Variants in SEPTIN11 observed in about 807,000 individuals in gnomAD.
SEPTIN11 encodes septin-11.
A neutral mutation model predicts 51.4 loss-of-function variants in SEPTIN11; 25 were observed. That is an observed-to-expected ratio of 0.49 (90% CI 0.35 to 0.68). The LOEUF (loss-of-function observed/expected upper bound fraction) is 0.68, where lower values mean the gene tolerates loss of function less well. Ranked by LOEUF, SEPTIN11 falls within the 30% of genes least tolerant of loss-of-function variation. SEPTIN11 has a pLI of 0.00. For synonymous variants in SEPTIN11, 174 were observed against 184.1 expected (o/e 0.95, Z 0.44); for missense variants, 381 against 520.8 (o/e 0.73, Z 2.61).
chr4:76,958,527 A>T (rs1247031798), intron 1 of SEPTIN11, among the ~76,000 whole-genome samples: 1 of 152,152 alleles, frequency 6.6e-6, no homozygotes, highest in Non-Finnish European at 1.5e-5. Flanking sequence ...AAGTCCTTGC[A>T]TTTTGGGGAA....
rs144339800 is a variant in SEPTIN11 at position 77,014,990 on chromosome 4, G to A, written c.660G>A (p.Thr220=). The A allele has an allele frequency of 7.4e-6, 12 of 1,613,722 alleles. No homozygotes were observed. The highest frequency in any genetic ancestry group is 1.7e-4 in the Middle Eastern group (1 of 6,060). ...ATCAGTTTCCCACTGATGAAGAAAC[G>A]GTGGCAGAGATTAACGCAACAATGA... is the stretch of plus-strand genomic sequence containing the variant. The part of the protein sequence containing the change: ...QIYQFPTDEE[T]VAEINATMSV... The change falls in exon 5 of 10, where the codon ACG becomes ACA. Residue 220 remains threonine, a synonymous_variant. Transcript: ENST00000264893.
intron 7 of SEPTIN11, among the ~76,000 whole-genome samples, chr4:77,027,388 G>A (rs1312032484): frequency 6.6e-6 from 1 of 151,986 alleles, no homozygotes; most frequent in African/African-American, 2.4e-5. Context: ...CTCCTGCCTC[G>A]GCCTCCCAAA....
At chr4:77,019,466 G>T (rs1229922295) in intron 6 of SEPTIN11, among the ~76,000 whole-genome samples, 2 of 152,206 alleles carry the variant, frequency 1.3e-5, no homozygotes, top group East Asian at 1.9e-4. Context: ...AGACATGGCT[G>T]CCAAGCCCTT....
At chr4:77,014,821 G>T in intron 4 of SEPTIN11, 35 bp from the exon 5 acceptor site, 1 of 1,602,870 alleles carries the variant, frequency 6.2e-7, no homozygotes, top group Non-Finnish European at 8.5e-7. Flanking sequence ...TTCTTATGTT[G>T]GAATTGTGTA....
At position 76,990,739 on chromosome 4, in the gene SEPTIN11, C is replaced by T. The variant is rs191635210; in HGVS notation, c.28-5686C>T. 5.1e-4 allele frequency among the ~76,000 whole-genome samples: 78 copies of T among 152,308 alleles called. 1 individual carries two copies. The highest frequency in any genetic ancestry group is 1.1e-3 in the Non-Finnish European group (74 of 68,018). ...CCCTGGTGCCACAACGGTTGGGGAC[C>T]ACTGCTCTAGAATGTTCACACAAGA... is the stretch of plus-strand genomic sequence containing the variant. On this transcript the variant is annotated intron_variant, in intron 1 of 9. Coordinates refer to ENST00000264893, the MANE Select transcript of SEPTIN11 (RefSeq NM_018243.4).
chr4:76,953,691 A>T (rs1295198229), intron 1 of SEPTIN11, among the ~76,000 whole-genome samples: 2 of 152,210 alleles, frequency 1.3e-5, no homozygotes, highest in African/African-American at 4.8e-5. Context: ...GATATAAATT[A>T]TACATACTGA....
intron 7 of SEPTIN11, among the ~76,000 whole-genome samples, chr4:77,026,847 A>C (rs1161018002): frequency 1.3e-5 from 2 of 152,198 alleles, no homozygotes; most frequent in African/African-American, 2.4e-5. Context: ...CTAATATGCA[A>C]AATTTCATGA....
chr4:77,019,071 G>T (rs1024318651), intron 5 of SEPTIN11, 94 bp from the exon 6 acceptor site: 10 of 1,171,076 alleles, frequency 8.5e-6, no homozygotes, highest in Non-Finnish European at 1.1e-5. Context: ...TCACCAAGTA[G>T]AGGCCTGCAG....
chr4:76,983,808 A>G, intron 1 of SEPTIN11, among the ~76,000 whole-genome samples: 1 of 152,092 alleles, frequency 6.6e-6, no homozygotes, highest in East Asian at 1.9e-4. Flanking sequence ...AGGAGTTCAA[A>G]ACCAGCCTGG....
At chr4:76,951,879 C>T (rs1721362696) in intron 1 of SEPTIN11, among the ~76,000 whole-genome samples, 1 of 152,226 alleles carries the variant, frequency 6.6e-6, no homozygotes, top group Non-Finnish European at 1.5e-5. Flanking sequence ...TTAGACCTCC[C>T]TCTTCAGATA....
Position 77,038,181 on chromosome 4 carries a change from C to A in SEPTIN11, c.*3669C>A. 1.0e-6 allele frequency: 1 copy of A among 985,768 alleles called. No homozygotes were observed. The highest frequency in any genetic ancestry group is 1.2e-6 in the Non-Finnish European group (1 of 829,884). The allele number at this position is 985,768 out of a possible 1,614,324, so 61.1% of individuals were successfully genotyped here. ...ATTCTTTAGTGGGAATTAAGACCTA[C>A]AAAGTCTAGTTTGTATGTAGGTATG... On this transcript the variant is annotated 3_prime_UTR_variant, in exon 10 of 10. Coordinates refer to ENST00000264893, the MANE Select transcript of SEPTIN11 (RefSeq NM_018243.4).
In SEPTIN11 at chr4:76,949,941, G is replaced by A. The variant is rs1203033113; in HGVS notation, c.27+11G>A. 10 of 1,484,248 alleles carry A rather than the reference G, an allele frequency of 6.7e-6. No homozygotes were observed. The Admixed American group carries it at 7.1e-5, about 11-fold the overall frequency. The allele number at this position is 1,484,248 out of a possible 1,614,324, so 91.9% of individuals were successfully genotyped here. ...GTGGGGAGACCGTCTGTGAGTGCTGGGGCCTCGCCTGCTGCTCCTCGGGCG... is the reference window on the plus strand; with the variant it reads ...GTGGGGAGACCGTCTGTGAGTGCTGAGGCCTCGCCTGCTGCTCCTCGGGCG... On this transcript the variant is annotated intron_variant, in intron 1 of 9. Coordinates refer to ENST00000264893, the MANE Select transcript of SEPTIN11 (RefSeq NM_018243.4).
intron 1 of SEPTIN11, among the ~76,000 whole-genome samples, chr4:76,981,744 A>AT (rs5859555): frequency 9.6e-5 from 14 of 146,460 alleles, no homozygotes; most frequent in African/African-American, 3.0e-4. Context: ...CAAGATATGC[A>AT]TTTTTTTTTT....
At chr4:77,028,846 GTCCAAGT>G in intron 8 of SEPTIN11, 85 bp downstream of exon 8, 1 of 722,690 alleles carries the variant, frequency 1.4e-6, no homozygotes, top group Non-Finnish European at 1.8e-6. Context: ...CTTCATGATG[GTCCAAGT>G]ACTTTCTACA....
intron 8 of SEPTIN11, among the ~76,000 whole-genome samples, chr4:77,029,097 G>T (rs149823831): frequency 3.9e-5 from 6 of 152,238 alleles, no homozygotes; most frequent in Non-Finnish European, 7.4e-5. Flanking sequence ...TGAGATTTGG[G>T]ATTCTGCGAC....
chr4:76,949,947 C>A lies in SEPTIN11; in HGVS notation c.27+17C>A. ...AGACCGTCTGTGAGTGCTGGGGCCT[C>A]GCCTGCTGCTCCTCGGGCGCCGGGT... is the stretch of plus-strand genomic sequence containing the variant. On this transcript the variant is annotated intron_variant, in intron 1 of 9. Transcript: ENST00000264893. The A allele has an allele frequency of 6.8e-7, 1 of 1,472,590 alleles. No individual in the cohort carries two copies. The highest frequency in any genetic ancestry group is 8.9e-7 in the Non-Finnish European group (1 of 1,117,988). 91.2% of individuals were successfully genotyped at this position (1,472,590 alleles called of 1,614,324 possible).
At chr4:77,020,458 A>G (rs1231167130) in intron 6 of SEPTIN11, 44 bp from the exon 7 acceptor site, 2 of 1,600,294 alleles carry the variant, frequency 1.2e-6, no homozygotes, top group South Asian at 1.1e-5. Context: ...TTTCAGTGAC[A>G]TCATTGCTAA....
intron 1 of SEPTIN11, among the ~76,000 whole-genome samples, 163 bp from the exon 2 acceptor site, chr4:76,996,262 G>A (rs1318197987): frequency 6.6e-6 from 1 of 152,190 alleles, no homozygotes; most frequent in Non-Finnish European, 1.5e-5. Context: ...TGGCTTTGGA[G>A]TTGTTAGTGC....
intron 1 of SEPTIN11, chr4:76,987,970 C>A: frequency 4.1e-6 from 1 of 242,520 alleles, no homozygotes; most frequent in Non-Finnish European, 6.7e-6. Flanking sequence ...TCTGCTGCCC[C>A]ATGGTTTCAT....
Sources: gnomAD v4.1 joint callset for allele counts (sites outside exome capture counted in the v4.1 genomes callset) on GRCh38, gnomAD v4.1.1 for gene constraint, MANE v1.5 for transcripts, NCBI Gene and HGNC (gene_info 2026-07-23, HGNC 2026-07-21) for gene names.